C10orf90: variants seen among roughly 807,000 people sequenced by gnomAD.
The protein encoded by C10orf90 is (E2-independent) E3 ubiquitin-conjugating enzyme FATS.
C10orf90 carries 56 observed loss-of-function variants against 62.5 expected under a neutral mutation model. The ratio of observed to expected loss-of-function variants is 0.90; its 90% CI spans 0.72 to 1.12. C10orf90 has a LOEUF of 1.12. Ranked by LOEUF, C10orf90 falls within the 50% of genes most tolerant of loss-of-function variation. The probability of loss-of-function intolerance (pLI) is 0.00; values close to 1 mark genes in which losing one functional copy is unlikely to be tolerated. For missense variants in C10orf90, 970 were observed against 880.4 expected (o/e 1.10, Z -1.29); for synonymous variants, 386 against 340.4 (o/e 1.13, Z -1.47).
chr10:126,595,808 C>T (rs966952142), intron 2 of C10orf90, among the ~76,000 whole-genome samples: 1 of 152,106 alleles, frequency 6.6e-6, no homozygotes, highest in African/African-American at 2.4e-5. Context: ...AGCTGGGGTC[C>T]ACATCTCTAG....
rs1006672317 is a variant in C10orf90, at chr10:126,646,628, G to A, written c.250C>T (p.Arg84Ter). Residue 84 changes from arginine (R) to a stop codon, truncating the protein, a stop_gained, in exon 2 of 10, where the codon CGA becomes TGA. Transcript: ENST00000488181. LOFTEE classifies it high-confidence loss of function. Reference protein sequence around the residue: ...QTASRYEIHSRLFSSPKDHSA... With the variant: ...QTASRYEIHS ...TGATCTTTGGGGGATGAGAAGAGTC[G>A]ACTGTGGATCTAGAAAACAAACAGA... The A allele has an allele frequency of 6.3e-5, 28 of 441,130 alleles. No homozygotes were observed. The highest frequency in any genetic ancestry group is 4.6e-4 in the Admixed American group (18 of 39,366). 27.3% of individuals were successfully genotyped at this position (441,130 alleles called of 1,614,324 possible). A position where few individuals can be genotyped will look rare whatever the true frequency, so the allele number is the denominator to read the frequency against.
intron 7 of C10orf90, among the ~76,000 whole-genome samples, chr10:126,433,823 A>G (rs1033884055): frequency 6.6e-6 from 1 of 152,204 alleles, no homozygotes; most frequent in Non-Finnish European, 1.5e-5. Flanking sequence ...GGCAGGTGAG[A>G]ACCATTTTCA....
In C10orf90 at chr10:126,456,709, T is replaced by C. The variant is rs530834953; in HGVS notation, c.2188+2331A>G. On this transcript the variant is annotated intron_variant, in intron 7 of 9. Coordinates refer to ENST00000488181, the MANE Select transcript of C10orf90 (RefSeq NM_001350921.2). The surrounding 1 kb of genome is among the most constrained non-coding windows in gnomAD (Gnocchi z 4.9). ...GTGAGGTTAGCCCTAATCCAATGAC[T>C]GCTGTCTTTATGAGAAAAGGAAATT... Among the ~76,000 whole-genome samples the C allele has an allele frequency of 1.3e-5, 2 of 152,280 alleles. No homozygotes were observed. Among genetic ancestry groups the C allele is most frequent in the South Asian group, 4.1e-4 (2 of 4,826 alleles).
At chr10:126,467,582 G>A (rs1161214380) in intron 4 of C10orf90, among the ~76,000 whole-genome samples, 1 of 152,132 alleles carries the variant, frequency 6.6e-6, no homozygotes, top group African/African-American at 2.4e-5. Flanking sequence ...TCCATTCACT[G>A]GACGGGCGCT....
At chr10:126,643,947 TCCTTTTGTAGAAAA>T (rs1245151061) in intron 2 of C10orf90, among the ~76,000 whole-genome samples, 2 of 152,220 alleles carry the variant, frequency 1.3e-5, no homozygotes, top group Non-Finnish European at 2.9e-5. Context: ...TGCTTAGCCC[TCCTTTTGTAGAAAA>T]GGTGCAACTG....
intron 1 of C10orf90, among the ~76,000 whole-genome samples, chr10:126,657,555 C>G (rs1446194654): frequency 6.6e-6 from 1 of 151,260 alleles, no homozygotes; most frequent in East Asian, 1.9e-4. Flanking sequence ...ATTTTTTTTC[C>G]TTTGTGGGGC....
intron 2 of C10orf90, among the ~76,000 whole-genome samples, chr10:126,530,898 G>T (rs1258155379): frequency 1.3e-5 from 2 of 152,112 alleles, no homozygotes; most frequent in African/African-American, 4.8e-5. Flanking sequence ...ATCAGGCCAG[G>T]CGCGGTGGCT....
intron 1 of C10orf90, among the ~76,000 whole-genome samples, chr10:126,661,739 C>T (rs1846519132): frequency 6.6e-6 from 1 of 151,198 alleles, no homozygotes; most frequent in Non-Finnish European, 1.5e-5. Flanking sequence ...AGCATCCAAT[C>T]TGCTGTTAAT....
chr10:126,569,999 A>T (rs1231041408), intron 2 of C10orf90, among the ~76,000 whole-genome samples: 1 of 152,248 alleles, frequency 6.6e-6, no homozygotes, highest in Non-Finnish European at 1.5e-5. Flanking sequence ...TAAATGATTC[A>T]TCGTAATCCT....
intron 4 of C10orf90, among the ~76,000 whole-genome samples, chr10:126,495,980 T>A (rs1196292761): frequency 1.3e-5 from 2 of 152,162 alleles, no homozygotes; most frequent in Non-Finnish European, 2.9e-5. Flanking sequence ...AGCAAGCAAC[T>A]GGTGGAGTAT....
chr10:126,504,971 C>G lies in C10orf90; in HGVS notation c.520G>C (p.Ala174Pro). The G allele has an allele frequency of 3.1e-6, 5 of 1,614,234 alleles. No homozygotes were observed. Among genetic ancestry groups the G allele is most frequent in the Non-Finnish European group, 4.2e-6 (5 of 1,180,044 alleles). The change falls in exon 4 of 10, where the codon GCT (alanine) becomes CCT (proline). Residue 174 changes from alanine to proline, a missense_variant. Ala to Pro is a conservative substitution (Grantham distance 27, BLOSUM62 -1). Transcript: ENST00000488181. The surrounding 1 kb of genome is among the most constrained non-coding windows in gnomAD (Gnocchi z 4.1). ...TTGGCGTGATGTGCACGAGACTGAG[C>G]AATGGCACACGGTAGGGGCAAGGAG... is the stretch of plus-strand genomic sequence containing the variant. Reference protein sequence around the residue: ...RASLPLPCAIAQSRAHHAKQS... With the variant: ...RASLPLPCAIPQSRAHHAKQS...
chr10:126,612,742 G>A (rs374802296), intron 2 of C10orf90, among the ~76,000 whole-genome samples: 1 of 152,276 alleles, frequency 6.6e-6, no homozygotes, highest in East Asian at 1.9e-4. Context: ...TGTCTCAGAT[G>A]AGAAATATTA....
At chr10:126,657,964 A>G (rs966647313) in intron 1 of C10orf90, among the ~76,000 whole-genome samples, 1 of 152,074 alleles carries the variant, frequency 6.6e-6, no homozygotes, top group African/African-American at 2.4e-5. Context: ...CAACAGGACT[A>G]TGGGGCATGC....
chr10:126,437,867 G>A (rs1374600834), intron 7 of C10orf90, among the ~76,000 whole-genome samples: 3 of 152,240 alleles, frequency 2.0e-5, no homozygotes, highest in African/African-American at 7.2e-5. Flanking sequence ...AGGCAATGCT[G>A]TGGAAGGCCA....
chr10:126,569,780 A>G lies in C10orf90; in HGVS notation c.314-55841T>C, dbSNP rs570245670. On this transcript the variant is annotated intron_variant, in intron 2 of 9. Coordinates refer to ENST00000488181, the MANE Select transcript of C10orf90 (RefSeq NM_001350921.2). ...AAGAATAGCCAACCAAAACATGGAA[A>G]ATAGCTCTTCTGATTGTCCCTAGTA... Among the ~76,000 whole-genome samples, 4 of 152,272 alleles carry G rather than the reference A, an allele frequency of 2.6e-5. No homozygotes were observed. The East Asian group carries it at 7.7e-4, about 29-fold the overall frequency.
chr10:126,663,688 C>G (rs896163240), intron 1 of C10orf90, among the ~76,000 whole-genome samples: 1 of 152,146 alleles, frequency 6.6e-6, no homozygotes, highest in Non-Finnish European at 1.5e-5. Flanking sequence ...GACAATTCAG[C>G]TGGCTTTTTT....
At chr10:126,490,590 C>T (rs936283527) in intron 4 of C10orf90, among the ~76,000 whole-genome samples, 1 of 151,984 alleles carries the variant, frequency 6.6e-6, no homozygotes, top group African/African-American at 2.4e-5. Flanking sequence ...CTTAATGCCA[C>T]AGAACTGTAC....
Position 126,425,634 on chromosome 10 carries a change from C to T in C10orf90, c.*230G>A, listed in dbSNP as rs568021322. ...TAAGGGGACTGTATCCAGTGGGTTACATGGAGGTGGTTTCCCCACAACAGA... is the reference window on the plus strand; with the variant it reads ...TAAGGGGACTGTATCCAGTGGGTTATATGGAGGTGGTTTCCCCACAACAGA... On this transcript the variant is annotated 3_prime_UTR_variant, in exon 10 of 10. Coordinates refer to ENST00000488181, the MANE Select transcript of C10orf90 (RefSeq NM_001350921.2). 3.4e-4 allele frequency: 192 copies of T among 572,910 alleles called. 3 individuals carry two copies. In the South Asian group the frequency reaches 4.4e-3, roughly 13 times the overall value. 35.5% of individuals were successfully genotyped at this position (572,910 alleles called of 1,614,324 possible). A position where few individuals can be genotyped will look rare whatever the true frequency, so the allele number is the denominator to read the frequency against.
At chr10:126,450,777 T>C (rs1198381427) in intron 7 of C10orf90, among the ~76,000 whole-genome samples, 2 of 152,160 alleles carry the variant, frequency 1.3e-5, no homozygotes, top group Non-Finnish European at 2.9e-5. Context: ...TGGCATTAGT[T>C]TGGGCAATAA....
Sources: gnomAD v4.1 joint callset for allele counts (sites outside exome capture counted in the v4.1 genomes callset) on GRCh38, gnomAD v4.1.1 for gene constraint, Gnocchi (gnomAD v3.1) non-coding constraint, MANE v1.5 for transcripts, NCBI Gene and HGNC (gene_info 2026-07-23, HGNC 2026-07-21) for gene names.